The following CCSER1 variants were observed in gnomAD, a reference collection of about 807,000 sequenced individuals.
CCSER1 encodes the protein serine-rich coiled-coil domain-containing protein 1.
Under a neutral mutation model 82.0 loss-of-function variants are expected in CCSER1, and 41 were observed. The ratio of observed to expected loss-of-function variants is 0.50; its 90% confidence interval spans 0.39 to 0.65. The LOEUF (loss-of-function observed/expected upper bound fraction) is 0.65. CCSER1 is among the 30% of genes least tolerant of loss of function. The pLI is 0.00. For missense variants in CCSER1, 1,119 were observed against 1,064.2 expected, an observed-to-expected ratio of 1.05 and a Z score of -0.72; for synonymous variants, 414 against 383.9, an observed-to-expected ratio of 1.08 and a Z score of -0.92.
At chr4:90,763,634 C>A (rs1343339410) in intron 7 of CCSER1, among the ~76,000 whole-genome samples, 3 of 152,074 alleles carry the variant, frequency 2.0e-5, no homozygotes, top group African/African-American at 4.8e-5. Flanking sequence ...CATGGCTCTG[C>A]CCGTTTATGT....
intron 10 of CCSER1, among the ~76,000 whole-genome samples, chr4:91,195,594 A>C (rs1735341823): frequency 6.6e-6 from 1 of 152,168 alleles, no homozygotes; most frequent in African/African-American, 2.4e-5. Flanking sequence ...AAGAGGCTTA[A>C]CCTTCTTGAA....
chr4:90,592,562 A>T (rs991865718), intron 5 of CCSER1, among the ~76,000 whole-genome samples: 1 of 152,152 alleles, frequency 6.6e-6, no homozygotes, highest in African/African-American at 2.4e-5. Context: ...AGGATACATA[A>T]ACTTGTATAT....
At chr4:91,442,075 C>G (rs985037619) in intron 10 of CCSER1, among the ~76,000 whole-genome samples, 4 of 151,872 alleles carry the variant, frequency 2.6e-5, no homozygotes, top group Non-Finnish European at 4.4e-5. Flanking sequence ...CAATGCCATC[C>G]CCATCAAGCT....
chr4:90,933,132 A>AGTGTGTGT (rs536402295), intron 9 of CCSER1, among the ~76,000 whole-genome samples: 833 of 70,164 alleles, frequency 0.012, 33 homozygotes, highest in Middle Eastern at 0.038. Flanking sequence ...GTTACCTAGA[A>AGTGTGTGT]GTGTGTGTGT....
chr4:90,397,787 T>C (rs950032264), intron 3 of CCSER1, among the ~76,000 whole-genome samples: 9 of 152,204 alleles, frequency 5.9e-5, no homozygotes, highest in Non-Finnish European at 1.2e-4. Flanking sequence ...GGTAGGGTGG[T>C]TCCAATTAAA....
chr4:90,426,851 A>G (rs1757592033), intron 4 of CCSER1, among the ~76,000 whole-genome samples: 1 of 152,104 alleles, frequency 6.6e-6, no homozygotes, highest in African/African-American at 2.4e-5. Flanking sequence ...TTTTCTAAAT[A>G]ATGCTCTACT....
chr4:90,155,557 T>G (rs1727940375), intron 1 of CCSER1, among the ~76,000 whole-genome samples: 1 of 152,212 alleles, frequency 6.6e-6, no homozygotes, highest in Admixed American at 6.5e-5. Flanking sequence ...CAATTTCAGA[T>G]CCTGTTATTG....
chr4:90,716,609 A>T (rs187623612), intron 6 of CCSER1, among the ~76,000 whole-genome samples: 1 of 152,022 alleles, frequency 6.6e-6, no homozygotes, highest in Non-Finnish European at 1.5e-5. Context: ...CTATGTTTAG[A>T]TATGGTTGGA....
intron 1 of CCSER1, among the ~76,000 whole-genome samples, chr4:90,201,097 C>T (rs921378612): frequency 5.3e-5 from 8 of 152,120 alleles, no homozygotes; most frequent in African/African-American, 1.9e-4. Flanking sequence ...TAAGCCAATT[C>T]TTAGAGTGCA....
At chr4:91,493,833 G>A (rs904630695) in intron 10 of CCSER1, among the ~76,000 whole-genome samples, 12 of 151,540 alleles carry the variant, frequency 7.9e-5, no homozygotes, top group Non-Finnish European at 1.6e-4. Context: ...TTTAAAAAAA[G>A]TTTGAGCCAA....
chr4:90,351,558 A>G (rs1171237670), intron 3 of CCSER1, among the ~76,000 whole-genome samples: 1 of 152,198 alleles, frequency 6.6e-6, no homozygotes, highest in African/African-American at 2.4e-5. Context: ...AAATTTTTTT[A>G]GAAAATAGTG....
At chr4:90,837,950 T>C (rs938033775) in intron 8 of CCSER1, among the ~76,000 whole-genome samples, 2 of 152,170 alleles carry the variant, frequency 1.3e-5, no homozygotes, top group Admixed American at 6.5e-5. Flanking sequence ...TTAGTTTTTT[T>C]AGAATTATCA....
chr4:90,407,865 C>A (rs1753977502), intron 4 of CCSER1, among the ~76,000 whole-genome samples: 1 of 152,074 alleles, frequency 6.6e-6, no homozygotes, highest in African/African-American at 2.4e-5. Flanking sequence ...TGCAAGGGGT[C>A]AGGGAATTCC....
chr4:90,550,938 CA>C (rs1337951702), intron 5 of CCSER1, among the ~76,000 whole-genome samples: 1 of 152,070 alleles, frequency 6.6e-6, no homozygotes, highest in African/African-American at 2.4e-5. Flanking sequence ...ATGCTACCGT[CA>C]TTCTGAATAC....
At chr4:91,283,358 C>T (rs1298411375) in intron 10 of CCSER1, among the ~76,000 whole-genome samples, 1 of 151,998 alleles carries the variant, frequency 6.6e-6, no homozygotes, top group South Asian at 2.1e-4. Flanking sequence ...TTATTGAAGT[C>T]TTCATCTTTC....
intron 10 of CCSER1, among the ~76,000 whole-genome samples, chr4:91,374,817 G>A (rs139350607): frequency 0.02 from 2,996 of 152,288 alleles, 78 homozygotes; most frequent in African/African-American, 0.067. Context: ...CCAACATGGT[G>A]AAATCCCATC....
intron 9 of CCSER1, chr4:90,938,925 A>G (rs1454332): frequency 0.26 from 42,328 of 159,782 alleles, 6,709 homozygotes; most frequent in East Asian, 0.46. Flanking sequence ...TTCAACTAAC[A>G]TATTTCTGCT....
At chr4:91,317,200 A>G (rs1265218292) in intron 10 of CCSER1, among the ~76,000 whole-genome samples, 1 of 151,968 alleles carries the variant, frequency 6.6e-6, no homozygotes. Context: ...AAAAAAAGAT[A>G]AAGAATGTGT....
intron 5 of CCSER1, among the ~76,000 whole-genome samples, chr4:90,601,161 T>C (rs1264005520): frequency 6.6e-6 from 1 of 152,106 alleles, no homozygotes; most frequent in Non-Finnish European, 1.5e-5. Flanking sequence ...TCTTGCCTTA[T>C]TTCATAGGCT....
Sources: allele counts gnomAD v4.1 joint callset (sites outside exome capture counted in the v4.1 genomes callset), GRCh38; gene constraint gnomAD v4.1.1; transcripts MANE v1.5; gene names NCBI Gene and HGNC (gene_info 2026-07-23, HGNC 2026-07-21).